Variants in KIAA1217 observed in about 807,000 individuals in gnomAD.
The protein encoded by KIAA1217 is KIAA1217, also known as sickle tail protein homolog.
KIAA1217 carries 88 observed loss-of-function variants against 163.9 expected under a neutral mutation model. The observed-to-expected ratio is 0.54, with a 90% CI of 0.45 to 0.64. The LOEUF is 0.64. Among genes scored for constraint, KIAA1217 ranks in the 30% least tolerant of loss-of-function variants. The pLI, the probability that KIAA1217 is intolerant of heterozygous loss-of-function variation, is 0.00. For missense variants in KIAA1217, 2,372 were observed against 2,475.0 expected, an observed-to-expected ratio of 0.96 and a Z score of 0.88; for synonymous variants, 903 against 923.1, an observed-to-expected ratio of 0.98 and a Z score of 0.39.
chr10:23,755,316 G>A (rs1048030629), intron 1 of KIAA1217, among the ~76,000 whole-genome samples: 13 of 152,138 alleles, frequency 8.5e-5, no homozygotes, highest in Non-Finnish European at 1.6e-4. Context: ...ATATACGACA[G>A]TTCTTCACCA....
At chr10:24,407,242 T>C (rs1283132340) in intron 3 of KIAA1217, among the ~76,000 whole-genome samples, 1 of 151,264 alleles carries the variant, frequency 6.6e-6, no homozygotes, top group Non-Finnish European at 1.5e-5. Context: ...TTACTTTGTG[T>C]CCTTGATGAA....
intron 2 of KIAA1217, among the ~76,000 whole-genome samples, chr10:24,287,688 C>T (rs1220433897): frequency 2.0e-5 from 3 of 152,030 alleles, no homozygotes; most frequent in African/African-American, 7.3e-5. Context: ...GTAGAAGTGG[C>T]TTAACGTTTA....
chr10:24,166,892 C>T (rs993787985), intron 2 of KIAA1217, among the ~76,000 whole-genome samples: 1 of 151,950 alleles, frequency 6.6e-6, no homozygotes, highest in South Asian at 2.1e-4. Flanking sequence ...TATTATGTAT[C>T]AACAACAAAA....
intron 1 of KIAA1217, among the ~76,000 whole-genome samples, chr10:23,732,156 G>A (rs183384003): frequency 9.9e-4 from 150 of 152,104 alleles, no homozygotes; most frequent in African/African-American, 3.3e-3. Flanking sequence ...AGATTGTAAA[G>A]AGCTCGTGTA....
intron 1 of KIAA1217, among the ~76,000 whole-genome samples, chr10:23,948,117 T>C (rs1394384352): frequency 6.6e-6 from 1 of 152,170 alleles, no homozygotes; most frequent in Admixed American, 6.5e-5. Context: ...ATTGCACCAG[T>C]GGGAACCTGG....
Position 23,818,351 on chromosome 10 carries a change from A to ATATATAT in KIAA1217, c.-321+123117_-321+123118insTATATAT, listed in dbSNP as rs1554802292. Among the ~76,000 whole-genome samples, 44 of 134,904 alleles carry ATATATAT rather than the reference A, an allele frequency of 3.3e-4. 1 individual carries two copies. The highest frequency in any genetic ancestry group is 1.1e-3 in the African/African-American group (40 of 35,728). 88.5% of individuals were successfully genotyped at this position (134,904 alleles called of 152,430 possible). A position where few individuals can be genotyped will look rare whatever the true frequency, so the allele number is the denominator to read the frequency against. On this transcript the variant is annotated intron_variant, in intron 1 of 18. Coordinates refer to the KIAA1217 transcript ENST00000376462. ...TATATTTTATATATATATATAAAAA[A>ATATATAT]ATATATATATATATATATATAGCCA...
At chr10:24,406,718 G>C (rs2131235835) in intron 3 of KIAA1217, among the ~76,000 whole-genome samples, 1 of 152,276 alleles carries the variant, frequency 6.6e-6, no homozygotes, top group African/African-American at 2.4e-5. Flanking sequence ...AAAAAGATTT[G>C]AAATGTGTTG....
intron 1 of KIAA1217, among the ~76,000 whole-genome samples, chr10:23,837,910 T>C (rs976511124): frequency 6.6e-6 from 1 of 152,140 alleles, no homozygotes; most frequent in Non-Finnish European, 1.5e-5. Flanking sequence ...ATGTTCTCCC[T>C]GTATATAGGG....
intron 2 of KIAA1217, chr10:24,158,702 C>A: frequency 2.0e-6 from 1 of 507,368 alleles, no homozygotes. Context: ...CTTGCTACAG[C>A]ATACAAAGAT....
chr10:24,301,059 C>T (rs915088274), intron 2 of KIAA1217, among the ~76,000 whole-genome samples: 42 of 152,060 alleles, frequency 2.8e-4, no homozygotes, highest in Non-Finnish European at 5.7e-4. Flanking sequence ...GTGATCCACC[C>T]GCCTCAGCCT....
intron 2 of KIAA1217, among the ~76,000 whole-genome samples, chr10:24,023,006 T>C (rs916539306): frequency 6.6e-6 from 1 of 151,560 alleles, no homozygotes; most frequent in African/African-American, 2.4e-5. Context: ...ATTCTCTTTA[T>C]AGTCAAGAAC....
chr10:24,260,432 T>C (rs532691315), intron 2 of KIAA1217, among the ~76,000 whole-genome samples: 2 of 152,038 alleles, frequency 1.3e-5, no homozygotes, highest in Admixed American at 1.3e-4. Flanking sequence ...AGTTACACTA[T>C]GAAAAGCACA....
At chr10:24,237,801 C>CAATA (rs2131231089) in intron 2 of KIAA1217, among the ~76,000 whole-genome samples, 1 of 152,312 alleles carries the variant, frequency 6.6e-6, no homozygotes, top group Admixed American at 6.5e-5. Context: ...GAATCTCTGA[C>CAATA]AATAGTCTTG....
At chr10:23,874,158 G>T (rs1380121313) in intron 1 of KIAA1217, among the ~76,000 whole-genome samples, 2 of 151,904 alleles carry the variant, frequency 1.3e-5, no homozygotes, top group Non-Finnish European at 2.9e-5. Context: ...ACCCCTCATG[G>T]TTAGCTATCA....
At chr10:24,381,896 A>T (rs1380777994) in intron 3 of KIAA1217, among the ~76,000 whole-genome samples, 1 of 152,180 alleles carries the variant, frequency 6.6e-6, no homozygotes, top group Non-Finnish European at 1.5e-5. Context: ...GTTCATAAGA[A>T]CCATAAACAC....
At chr10:24,070,214 C>T (rs2061131943) in intron 2 of KIAA1217, among the ~76,000 whole-genome samples, 1 of 151,156 alleles carries the variant, frequency 6.6e-6, no homozygotes. Flanking sequence ...ACTAGATGGC[C>T]AGAAGGAGAC....
At chr10:24,454,301 C>G (rs2061606435) in intron 5 of KIAA1217, among the ~76,000 whole-genome samples, 1 of 152,234 alleles carries the variant, frequency 6.6e-6, no homozygotes, top group African/African-American at 2.4e-5. Context: ...GCAGGCAGCA[C>G]TAACTCACTC....
chr10:24,272,860 T>A (rs1455298067), intron 2 of KIAA1217, among the ~76,000 whole-genome samples: 2 of 152,182 alleles, frequency 1.3e-5, no homozygotes, highest in South Asian at 4.1e-4. Flanking sequence ...CATGTTGGAA[T>A]AAAGTCTTCT....
intron 2 of KIAA1217, among the ~76,000 whole-genome samples, chr10:24,353,184 C>G (rs2048671294): frequency 6.6e-6 from 1 of 151,416 alleles, no homozygotes; most frequent in South Asian, 2.1e-4. Flanking sequence ...TAGAGCCACC[C>G]AAGCAGATGT....
Sources: gnomAD v4.1 joint callset for allele counts (sites outside exome capture counted in the v4.1 genomes callset) on GRCh38, gnomAD v4.1.1 for gene constraint, MANE v1.5 for transcripts, NCBI Gene and HGNC (gene_info 2026-07-23, HGNC 2026-07-21) for gene names.